The following NCOA2 variants were observed in gnomAD, a reference collection of about 807,000 sequenced individuals.
The protein encoded by NCOA2 is nuclear receptor coactivator 2.
A neutral mutation model predicts 145.1 loss-of-function variants in NCOA2; 21 were observed. That is an observed-to-expected ratio of 0.14 (90% CI 0.10 to 0.21). The LOEUF (loss-of-function observed/expected upper bound fraction) is 0.21, where lower values mean the gene tolerates loss of function less well. Ranked by LOEUF, NCOA2 falls within the 10% of genes least tolerant of loss-of-function variation. The probability of loss-of-function intolerance (pLI) is 1.00; values close to 1 mark genes in which losing one functional copy is unlikely to be tolerated. For synonymous variants in NCOA2, 619 were observed against 637.5 expected (o/e 0.97, Z 0.44); for missense variants, 1,472 against 1,837.6 (o/e 0.80, Z 3.64).
intron 2 of NCOA2, among the ~76,000 whole-genome samples, chr8:70,225,052 A>C (rs1397511873): frequency 1.3e-5 from 2 of 152,116 alleles, no homozygotes; most frequent in African/African-American, 2.4e-5. Context: ...GACATGATCT[A>C]TTAAGGGGGA....
chr8:70,268,513 T>C (rs978133984), intron 2 of NCOA2, among the ~76,000 whole-genome samples: 1 of 152,206 alleles, frequency 6.6e-6, no homozygotes. Flanking sequence ...CCCTTTATTT[T>C]TCTTTCTAAG....
chr8:70,279,269 T>G (rs1825699807), intron 2 of NCOA2, among the ~76,000 whole-genome samples: 1 of 152,142 alleles, frequency 6.6e-6, no homozygotes. Flanking sequence ...ACTGTTTATT[T>G]CCTACCTTTT....
chr8:70,451,686 T>C, the NCOA2 span, among the ~76,000 whole-genome samples: 1 of 152,210 alleles, frequency 6.6e-6, no homozygotes, highest in Non-Finnish European at 1.5e-5. Flanking sequence ...TTAGATAGAC[T>C]GTCCCATTAA....
At chr8:70,288,316 T>A (rs1228626823) in intron 2 of NCOA2, among the ~76,000 whole-genome samples, 1 of 152,132 alleles carries the variant, frequency 6.6e-6, no homozygotes, top group African/African-American at 2.4e-5. Flanking sequence ...GTGTGGCTCA[T>A]GCCTGTAATC....
chr8:70,344,439 T>C (rs1808423398), intron 1 of NCOA2, among the ~76,000 whole-genome samples: 1 of 152,226 alleles, frequency 6.6e-6, no homozygotes, highest in Non-Finnish European at 1.5e-5. Context: ...CCTCATTTGC[T>C]ACCTCTGCCC....
intron 1 of NCOA2, among the ~76,000 whole-genome samples, chr8:70,394,433 G>A (rs866033210): frequency 1.3e-5 from 2 of 152,202 alleles, no homozygotes; most frequent in South Asian, 2.1e-4. Flanking sequence ...GGGATTACAC[G>A]CGTGAGTCAC....
chr8:70,226,330 TG>T (rs2134127019), intron 2 of NCOA2, among the ~76,000 whole-genome samples: 1 of 152,176 alleles, frequency 6.6e-6, no homozygotes, highest in Admixed American at 6.5e-5. Context: ...ACTGTGCTGC[TG>T]GGAAAAACAA....
intron 1 of NCOA2, among the ~76,000 whole-genome samples, chr8:70,352,885 T>G (rs1230286821): frequency 1.3e-5 from 2 of 152,194 alleles, no homozygotes; most frequent in Non-Finnish European, 2.9e-5. Context: ...ACTTTGTTTC[T>G]GATTCAATCT....
chr8:70,424,212 G>A, the NCOA2 span: 1 of 343,364 alleles, frequency 2.9e-6, no homozygotes, highest in South Asian at 2.6e-5. Flanking sequence ...CCCAGAAGTG[G>A]TGCAGCCCTC....
intron 12 of NCOA2, among the ~76,000 whole-genome samples, chr8:70,147,123 C>CGT (rs1554573866): frequency 3.8e-4 from 55 of 146,328 alleles, no homozygotes; most frequent in African/African-American, 1.3e-3. Context: ...CGCGCGCGCG[C>CGT]GCGCGTGTGT....
At chr8:70,235,689 C>A (rs931824746) in intron 2 of NCOA2, among the ~76,000 whole-genome samples, 7 of 151,852 alleles carry the variant, frequency 4.6e-5, no homozygotes, top group East Asian at 1.9e-4. Context: ...ACAAAAAGAT[C>A]AAAAATTAGC....
chr8:70,128,386 C>T (rs1445980939), intron 18 of NCOA2, 47 bp downstream of exon 18: 1 of 1,503,316 alleles, frequency 6.7e-7, no homozygotes, highest in Non-Finnish European at 9.2e-7. Flanking sequence ...ATGACAAAAG[C>T]AGCTGCATGC....
At chr8:70,258,545 C>T (rs1416421569) in intron 2 of NCOA2, among the ~76,000 whole-genome samples, 1 of 152,086 alleles carries the variant, frequency 6.6e-6, no homozygotes, top group Non-Finnish European at 1.5e-5. Flanking sequence ...TTTTTAACTC[C>T]TTTTTTCTCT....
intron 1 of NCOA2, among the ~76,000 whole-genome samples, chr8:70,321,792 C>CTTTTTTTTTTTTTTTTTT (rs1563762022): frequency 2.1e-5 from 2 of 97,528 alleles, no homozygotes. Flanking sequence ...TCAGAATATA[C>CTTTTTTTTTTTTTTTTTT]CTTTTTTTTT....
At chr8:70,252,067 T>C (rs913521696) in intron 2 of NCOA2, among the ~76,000 whole-genome samples, 1 of 152,188 alleles carries the variant, frequency 6.6e-6, no homozygotes, top group South Asian at 2.1e-4. Context: ...ATAATTGTTA[T>C]ATTGTGTTTT....
At chr8:70,340,485 C>T (rs915198369) in intron 1 of NCOA2, among the ~76,000 whole-genome samples, 3 of 152,176 alleles carry the variant, frequency 2.0e-5, no homozygotes, top group African/African-American at 7.2e-5. Flanking sequence ...TATGCTTTTA[C>T]ACTACCGGTG....
chr8:70,358,798 C>A (rs1235410812), intron 1 of NCOA2, among the ~76,000 whole-genome samples: 2 of 152,086 alleles, frequency 1.3e-5, no homozygotes, highest in Non-Finnish European at 2.9e-5. Context: ...AACTAAAAGA[C>A]AACATACAGC....
At position 70,156,383 on chromosome 8, in the gene NCOA2, A is replaced by G; in HGVS notation, c.1982T>C (p.Leu661Ser). The change falls in exon 11 of 23, where the codon TTG becomes TCG. Residue 661 changes from leucine (L) to serine (S), a missense_variant. Leu to Ser is a moderately radical substitution (Grantham distance 145). Transcript: ENST00000452400. Reference protein sequence around the residue: ...QMEPSPLASSLSDTNKDSTGS... With the variant: ...QMEPSPLASSSSDTNKDSTGS... ...TGTGGAGTCTTTGTTTGTATCCGACAAAGAGCTGGCTAAGGGCGAGGGCTC... is the reference window on the plus strand; with the variant it reads ...TGTGGAGTCTTTGTTTGTATCCGACGAAGAGCTGGCTAAGGGCGAGGGCTC... 1.2e-6 allele frequency: 2 copies of G among 1,613,964 alleles called. No individual in the cohort carries two copies.
intron 11 of NCOA2, among the ~76,000 whole-genome samples, chr8:70,150,151 G>C (rs942499887): frequency 6.6e-6 from 1 of 152,272 alleles, no homozygotes; most frequent in African/African-American, 2.4e-5. Context: ...TTTTCCTAAC[G>C]CATTGTTAGA....
Sources: gnomAD v4.1 joint callset for allele counts (sites outside exome capture counted in the v4.1 genomes callset) on GRCh38, gnomAD v4.1.1 for gene constraint, MANE v1.5 for transcripts, NCBI Gene and HGNC (gene_info 2026-07-23, HGNC 2026-07-21) for gene names.